The following GSDME variants were observed in gnomAD, a reference collection of about 807,000 sequenced individuals.
The protein encoded by GSDME is gasdermin-E.
GSDME carries 44 observed loss-of-function variants against 47.5 expected under a neutral mutation model. The ratio of observed to expected loss-of-function variants is 0.93; its 90% CI spans 0.73 to 1.19. The LOEUF (loss-of-function observed/expected upper bound fraction) is 1.19. Among genes scored for constraint, GSDME ranks in the 50% most tolerant of loss-of-function variants. The pLI is 0.00. For missense variants in GSDME, 663 were observed against 604.2 expected, an observed-to-expected ratio of 1.10 and a Z score of -1.02; for synonymous variants, 258 against 252.8, an observed-to-expected ratio of 1.02 and a Z score of -0.20.
chr7:24,729,932 C>T (rs1030002104), intron 3 of GSDME, among the ~76,000 whole-genome samples: 4 of 152,174 alleles, frequency 2.6e-5, no homozygotes. Flanking sequence ...GAGGCCTGCA[C>T]CATTTCCCAG....
rs1043253376 is a variant in GSDME at position 24,756,664 on chromosome 7, G to T, written c.-20+732C>A. ...GACTCTGGAGGAGTGGGTGGTCGGT[G>T]TGTTCAGTCCACAACCAGCGCTTTT... is the stretch of plus-strand genomic sequence containing the variant. On this transcript the variant is annotated intron_variant, in intron 1 of 9. Transcript: ENST00000645220. This position sits in a 1 kb window ranked among gnomAD's most constrained non-coding sequence, Gnocchi z 4.2. 6.6e-6 allele frequency among the ~76,000 whole-genome samples: 1 copy of T among 152,176 alleles called. No homozygotes were observed. Among genetic ancestry groups the T allele is most frequent in the African/African-American group, 2.4e-5 (1 of 41,424 alleles).
chr7:24,765,827 T>C, the GSDME span, among the ~76,000 whole-genome samples: 4 of 152,344 alleles, frequency 2.6e-5, no homozygotes, highest in South Asian at 2.1e-4. Flanking sequence ...CATCATTTCA[T>C]TGGATCTTTG....
intron 5 of GSDME, among the ~76,000 whole-genome samples, chr7:24,713,250 G>A (rs780168035): frequency 2.6e-5 from 4 of 152,052 alleles, no homozygotes; most frequent in South Asian, 2.1e-4. Flanking sequence ...GTCCTGTGTC[G>A]GGAGACACGG....
At chr7:24,775,874 CAAAAA>C in the GSDME span, among the ~76,000 whole-genome samples, 2 of 31,396 alleles carry the variant, frequency 6.4e-5, no homozygotes, top group Admixed American at 5.2e-4. Flanking sequence ...GATTCCATCT[CAAAAA>C]AAAAAAAAAA....
At chr7:24,707,362 T>C in intron 7 of GSDME, 3 of 471,380 alleles carry the variant, frequency 6.4e-6, no homozygotes, top group Middle Eastern at 6.5e-4. Flanking sequence ...TGGCAGCTTG[T>C]GTGGCTCTCA....
In GSDME at chr7:24,710,247, C is replaced by G. The variant is rs1401304915; in HGVS notation, c.839G>C (p.Gly280Ala). ...DAAHGISSQD[G>A]PLSVLKQATL... The stretch of plus-strand genomic sequence containing the variant: ...ACCTTGCTTTAAAACACTTAATGGT[C>G]CATCCTGGGAAGATATCCCATGCGC... Residue 280 changes from glycine to alanine, a missense_variant, in exon 6 of 10, where the codon GGA becomes GCA. Physicochemically the swap from Gly to Ala is moderately conservative, Grantham distance 60 (BLOSUM62 0). Coordinates refer to ENST00000645220, the MANE Select transcript of GSDME (RefSeq NM_001127453.2). 6.2e-7 allele frequency: 1 copy of G among 1,613,944 alleles called. No individual in the cohort carries two copies. The highest frequency in any genetic ancestry group is 2.2e-5 in the East Asian group (1 of 44,894).
At position 24,719,708 on chromosome 7, in the gene GSDME, G is replaced by A. The variant is rs529744679; in HGVS notation, c.405-490C>T. 2.3e-4 allele frequency among the ~76,000 whole-genome samples: 35 copies of A among 152,118 alleles called. No homozygotes were observed. The East Asian group carries it at 4.8e-3, about 21-fold the overall frequency. ...CTAAGGAGGCTGAGGCACGAGAATCGCTTGAACCTGGGAGGCGGAATTTGC... is the reference window on the plus strand; with the variant it reads ...CTAAGGAGGCTGAGGCACGAGAATCACTTGAACCTGGGAGGCGGAATTTGC... On this transcript the variant is annotated intron_variant, in intron 3 of 9. Coordinates refer to ENST00000645220, the MANE Select transcript of GSDME (RefSeq NM_001127453.2).
intron 3 of GSDME, among the ~76,000 whole-genome samples, chr7:24,737,397 G>T (rs1431087635): frequency 6.6e-6 from 1 of 151,776 alleles, no homozygotes; most frequent in Non-Finnish European, 1.5e-5. Flanking sequence ...AAACCTAGAA[G>T]AAATGAATAA....
chr7:24,785,055 A>C, the GSDME span, among the ~76,000 whole-genome samples: 1 of 152,228 alleles, frequency 6.6e-6, no homozygotes, highest in Non-Finnish European at 1.5e-5. Flanking sequence ...ACCTATAGAC[A>C]GTGCTTTGGG....
the GSDME span, among the ~76,000 whole-genome samples, chr7:24,793,777 C>T: frequency 6.6e-6 from 1 of 151,830 alleles, no homozygotes; most frequent in Non-Finnish European, 1.5e-5. Context: ...AATTCTACCC[C>T]CCTTTTCTTT....
chr7:24,764,320 A>C, the GSDME span, among the ~76,000 whole-genome samples: 1 of 152,228 alleles, frequency 6.6e-6, no homozygotes, highest in African/African-American at 2.4e-5. The surrounding 1 kb of genome is among the most constrained non-coding windows in gnomAD (Gnocchi z 4.4). Flanking sequence ...CTGTCACCTT[A>C]GGCACCTGTG....
chr7:24,751,237 A>G (rs536383595), intron 1 of GSDME, among the ~76,000 whole-genome samples: 9 of 152,346 alleles, frequency 5.9e-5, no homozygotes, highest in African/African-American at 2.2e-4. Flanking sequence ...CAAATTGCAC[A>G]TAGCCCAATA....
At position 24,699,258 on chromosome 7, in the gene GSDME, A is replaced by G. The variant is rs762628182; in HGVS notation, c.1259T>C (p.Leu420Pro). 5 of 1,602,066 alleles carry G rather than the reference A, an allele frequency of 3.1e-6. No individual in the cohort carries two copies. In the South Asian group the frequency reaches 4.4e-5, roughly 14 times the overall value. Residue 420 changes from leucine (L) to proline (P), a missense_variant and splice_region_variant, in exon 10 of 10, where the codon CTT becomes CCT. Coordinates refer to ENST00000645220, the MANE Select transcript of GSDME (RefSeq NM_001127453.2). ...TACTCCATCATCAGACAGAGCACGA[A>G]GCTGAAATGACACATTTAAACAAAT... ...LQIIPTLCHL[L>P]RALSDDGVSD...
At chr7:24,764,541 TA>T in the GSDME span, among the ~76,000 whole-genome samples, 1 of 152,208 alleles carries the variant, frequency 6.6e-6, no homozygotes, top group East Asian at 1.9e-4. This position sits in a 1 kb window ranked among gnomAD's most constrained non-coding sequence, Gnocchi z 4.4. Flanking sequence ...TTTCTGCAAG[TA>T]AATCCATCTT....
chr7:24,715,569 G>T (rs532785915), intron 5 of GSDME: 1 of 459,726 alleles, frequency 2.2e-6, no homozygotes, highest in Admixed American at 2.4e-5. Flanking sequence ...GCAGACATAG[G>T]GGGGCTAGAA....
In GSDME at chr7:24,708,136, C is replaced by CAGGACCA; in HGVS notation, c.974_980dup (p.Glu328GlyfsTer8). 1 of 1,614,128 alleles carries CAGGACCA rather than the reference C, an allele frequency of 6.2e-7. No individual in the cohort carries two copies. The highest frequency in any genetic ancestry group is 2.2e-5 in the East Asian group (1 of 44,872). ...ATGTCTCAGGGCTCACCACTGGTTC[C>CAGGACCA]AGGACCATGAGTAGTTCATCATCAA... is the stretch of plus-strand genomic sequence containing the variant. On this transcript the variant is annotated frameshift_variant, in exon 7 of 10. Coordinates refer to ENST00000645220, the MANE Select transcript of GSDME (RefSeq NM_001127453.2). LOFTEE classifies it high-confidence loss of function.
rs567849345 is a variant in GSDME, at chr7:24,754,401, C to G, written c.-20+2995G>C. ...TCGGGAGGCTGAGGCAGGAGAATCA[C>G]TTGAACCTGGGAGGCAGAGGTTGCA... On this transcript the variant is annotated intron_variant, in intron 1 of 9. Coordinates refer to ENST00000645220, the MANE Select transcript of GSDME (RefSeq NM_001127453.2). This position sits in a 1 kb window ranked among gnomAD's most constrained non-coding sequence, Gnocchi z 5.0. Among the ~76,000 whole-genome samples the G allele has an allele frequency of 6.6e-6, 1 of 151,884 alleles. No homozygotes were observed. Among genetic ancestry groups the G allele is most frequent in the South Asian group, 2.1e-4 (1 of 4,790 alleles).
intron 1 of GSDME, among the ~76,000 whole-genome samples, chr7:24,751,864 G>A (rs1790870702): frequency 6.6e-6 from 1 of 152,176 alleles, no homozygotes; most frequent in Non-Finnish European, 1.5e-5. Context: ...TCTCCTCAAT[G>A]AGCTACTAGT....
chr7:24,740,092 CAA>C (rs35581523), intron 3 of GSDME, among the ~76,000 whole-genome samples: 78 of 134,612 alleles, frequency 5.8e-4, no homozygotes, highest in Non-Finnish European at 7.8e-4. Flanking sequence ...GACTCCATCT[CAA>C]AAAAAAAAAA....
Sources: gnomAD v4.1 joint callset for allele counts (sites outside exome capture counted in the v4.1 genomes callset) on GRCh38, gnomAD v4.1.1 for gene constraint, Gnocchi (gnomAD v3.1) non-coding constraint, MANE v1.5 for transcripts, NCBI Gene and HGNC (gene_info 2026-07-23, HGNC 2026-07-21) for gene names.